CEP112: variants seen among roughly 807,000 people sequenced by gnomAD.
CEP112 encodes centrosomal protein of 112 kDa.
A neutral mutation model predicts 153.0 loss-of-function variants in CEP112; 127 were observed. The observed-to-expected ratio is 0.83, with a 90% CI of 0.72 to 0.96. The LOEUF (loss-of-function observed/expected upper bound fraction) is 0.96, where lower values mean the gene tolerates loss of function less well. Among genes scored for constraint, CEP112 ranks in the 40% least tolerant of loss-of-function variants. The pLI, the probability that CEP112 is intolerant of heterozygous loss-of-function variation, is 0.00. For synonymous variants in CEP112, 358 were observed against 374.4 expected (o/e 0.96, Z 0.51); for missense variants, 1,089 against 1,101.2 (o/e 0.99, Z 0.16).
At chr17:65,941,599 T>G (rs1400296138) in intron 18 of CEP112, 1 of 152,176 alleles carries the variant, frequency 6.6e-6, no homozygotes, top group Non-Finnish European at 1.5e-5. Context: ...TATTCTGTAT[T>G]CCATTCAACT....
At position 66,176,850 on chromosome 17, in the gene CEP112, T is replaced by C. The variant is rs2072497256; in HGVS notation, c.277A>G (p.Lys93Glu). The C allele has an allele frequency of 1.2e-6, 2 of 1,608,120 alleles. No individual in the cohort carries two copies. The highest frequency in any genetic ancestry group is 4.5e-5 in the East Asian group (2 of 44,830). The change falls in exon 3 of 27, where the codon AAA (lysine) becomes GAA (glutamate). Residue 93 changes from lysine to glutamate, a missense_variant. Transcript: ENST00000535342. Reference sequence around the variant, plus strand: ...CCTACCATGTATGAAGGTAGAATTTTTAGTGTCCCGGGTTCAGGTCGGTGT... The same window carrying C: ...CCTACCATGTATGAAGGTAGAATTTCTAGTGTCCCGGGTTCAGGTCGGTGT... ...FTHRPEPGTL[K>E]ILPSYMSIYF... is the part of the protein sequence containing the mutation.
chr17:65,666,240 C>T (rs748982189), intron 24 of CEP112, among the ~76,000 whole-genome samples: 3 of 152,246 alleles, frequency 2.0e-5, no homozygotes, highest in Non-Finnish European at 4.4e-5. Context: ...AAAACACACA[C>T]ATGCTGTTTC....
intron 5 of CEP112, 88 bp downstream of exon 5, chr17:66,132,582 T>C (rs2070237289): frequency 6.7e-6 from 6 of 889,738 alleles, no homozygotes; most frequent in South Asian, 1.4e-5. Context: ...GAAGCAATCA[T>C]TGGTACTTCA....
In CEP112 at chr17:66,029,941, A is replaced by C. The variant is rs754879850; in HGVS notation, c.1301T>G (p.Leu434Ter). ...TTCAAGTTCTGCTTTTTCTTGAATT[A>C]ATTTCTGCCTCTGTAAATTACTGTT... ...AENSNLQRQK[L>*]IQEKAELERC... The change falls in exon 13 of 27, where the codon TTA becomes TGA. Residue 434 changes from leucine to a stop codon, truncating the protein, a stop_gained. Coordinates refer to ENST00000535342, the MANE Select transcript of CEP112 (RefSeq NM_001199165.4). LOFTEE classifies it high-confidence loss of function. 3.1e-6 allele frequency: 5 copies of C among 1,613,830 alleles called. No individual in the cohort carries two copies. Among genetic ancestry groups the C allele is most frequent in the Non-Finnish European group, 4.2e-6 (5 of 1,179,822 alleles).
rs1410268246 is a variant in CEP112, at chr17:65,689,077, T to G, written c.2697+52A>C. ...GCCACTGCACCTGGCTGCACACACTTCTTGACCTAGAGAAAGTAAACAAGA... is the reference window on the plus strand; with the variant it reads ...GCCACTGCACCTGGCTGCACACACTGCTTGACCTAGAGAAAGTAAACAAGA... On this transcript the variant is annotated intron_variant, in intron 24 of 26. Transcript: ENST00000535342. 16 of 1,349,320 alleles carry G rather than the reference T, an allele frequency of 1.2e-5. No individual in the cohort carries two copies. The South Asian group carries it at 1.8e-4, about 15-fold the overall frequency. 83.6% of individuals were successfully genotyped at this position (1,349,320 alleles called of 1,614,324 possible).
intron 13 of CEP112, 55 bp downstream of exon 13, chr17:66,029,814 G>A: frequency 2.0e-6 from 3 of 1,489,682 alleles, no homozygotes; most frequent in South Asian, 1.3e-5. Context: ...AACTGATACA[G>A]TTAATATCAG....
chr17:65,711,367 C>T (rs966797235), intron 23 of CEP112, among the ~76,000 whole-genome samples: 2 of 152,112 alleles, frequency 1.3e-5, no homozygotes, highest in Non-Finnish European at 1.5e-5. Flanking sequence ...CCTCAGTTTA[C>T]TCATTTGTAA....
intron 8 of CEP112, among the ~76,000 whole-genome samples, chr17:66,074,243 GAT>G (rs1281733864): frequency 1.3e-5 from 2 of 152,036 alleles, no homozygotes; most frequent in Non-Finnish European, 2.9e-5. Context: ...AGAGAGAACA[GAT>G]AAAGGAGTCT....
chr17:66,033,942 T>C (rs1029094955), intron 12 of CEP112, among the ~76,000 whole-genome samples: 1 of 151,714 alleles, frequency 6.6e-6, no homozygotes, highest in Non-Finnish European at 1.5e-5. Flanking sequence ...TATATGCAGA[T>C]TTTTTTTTCA....
intron 19 of CEP112, among the ~76,000 whole-genome samples, chr17:65,906,565 C>A (rs1166630585): frequency 6.6e-6 from 1 of 152,090 alleles, no homozygotes; most frequent in Non-Finnish European, 1.5e-5. Context: ...TATTTTGCAT[C>A]TCAGAATTGT....
chr17:65,751,284 A>T (rs2051832253), intron 21 of CEP112, among the ~76,000 whole-genome samples: 2 of 152,196 alleles, frequency 1.3e-5, no homozygotes, highest in Admixed American at 1.3e-4. Context: ...ATGTCCTGGA[A>T]ATAGGGTGGC....
chr17:66,174,017 C>T (rs930084824), intron 4 of CEP112, among the ~76,000 whole-genome samples: 4 of 152,154 alleles, frequency 2.6e-5, no homozygotes, highest in Non-Finnish European at 5.9e-5. Flanking sequence ...CAAGCTCCGC[C>T]TCCTGGGTTC....
chr17:66,020,098 A>G (rs1361371971), intron 16 of CEP112, among the ~76,000 whole-genome samples: 1 of 152,178 alleles, frequency 6.6e-6, no homozygotes, highest in African/African-American at 2.4e-5. Flanking sequence ...ACATACCAGG[A>G]TATCAGGAAG....
chr17:65,807,308 G>A (rs2055667060), intron 21 of CEP112, among the ~76,000 whole-genome samples: 1 of 152,216 alleles, frequency 6.6e-6, no homozygotes, highest in African/African-American at 2.4e-5. Flanking sequence ...CATGAACAAA[G>A]AGATGTTCTG....
intron 17 of CEP112, among the ~76,000 whole-genome samples, chr17:65,996,113 C>T (rs1040390437): frequency 2.1e-5 from 3 of 144,824 alleles, no homozygotes; most frequent in African/African-American, 7.7e-5. Context: ...AATCCTACAC[C>T]ATGGGGAAAA....
intron 17 of CEP112, 83 bp downstream of exon 17, chr17:66,005,607 A>G: frequency 6.9e-7 from 1 of 1,451,182 alleles, no homozygotes; most frequent in African/African-American, 1.5e-5. Context: ...ATAAAAATAT[A>G]GTGTTTAGGT....
chr17:65,902,006 G>GGGGGAAAAAAAAAAAAAAA, intron 20 of CEP112, 146 bp downstream of exon 20: 2 of 243,086 alleles, frequency 8.2e-6, no homozygotes, highest in Non-Finnish European at 1.4e-5. Context: ...GGGTGGGGGG[G>GGGGGAAAAAAAAAAAAAAA]AGAAAAACAA....
chr17:66,024,812 C>T (rs369860479), intron 16 of CEP112, among the ~76,000 whole-genome samples: 7 of 152,010 alleles, frequency 4.6e-5, no homozygotes, highest in South Asian at 4.2e-4. Context: ...ATTCATATGG[C>T]ATTAAAAAAG....
intron 8 of CEP112, among the ~76,000 whole-genome samples, chr17:66,081,967 C>A (rs1278289466): frequency 6.6e-6 from 1 of 152,102 alleles, no homozygotes; most frequent in African/African-American, 2.4e-5. Context: ...AGCAACATCT[C>A]TTTTTAGGCA....
Sources: gnomAD v4.1 joint callset for allele counts (sites outside exome capture counted in the v4.1 genomes callset) on GRCh38, gnomAD v4.1.1 for gene constraint, MANE v1.5 for transcripts, NCBI Gene and HGNC (gene_info 2026-07-23, HGNC 2026-07-21) for gene names.